DPP10: variants seen among roughly 807,000 people sequenced by gnomAD.
DPP10 encodes the protein dipeptidyl peptidase like 10, also known as inactive dipeptidyl peptidase 10.
Under a neutral mutation model 120.9 loss-of-function variants are expected in DPP10, and 33 were observed. That is an observed-to-expected ratio of 0.27 (90% confidence interval 0.21 to 0.37). The LOEUF is 0.37. DPP10 is among the 10% of genes least tolerant of loss of function. The pLI is 1.00. For synonymous variants in DPP10, 337 were observed against 326.1 expected (o/e 1.03, Z -0.36); for missense variants, 816 against 942.8 (o/e 0.87, Z 1.76).
intron 1 of DPP10, among the ~76,000 whole-genome samples, chr2:115,180,083 G>A (rs1236652287): frequency 6.6e-6 from 1 of 152,108 alleles, no homozygotes; most frequent in African/African-American, 2.4e-5. Context: ...TTAACACAAA[G>A]AAGAAACTTG....
intron 1 of DPP10, chr2:115,064,753 T>G (rs1490536117): frequency 1.5e-6 from 2 of 1,304,094 alleles, no homozygotes; most frequent in East Asian, 1.1e-4. Flanking sequence ...ATAGTCCACT[T>G]AGCAATGGTC....
intron 21 of DPP10, among the ~76,000 whole-genome samples, chr2:115,821,199 T>C (rs1311834418): frequency 6.6e-6 from 1 of 152,210 alleles, no homozygotes. Flanking sequence ...GGAAGGTGCA[T>C]TAAAGTATCC....
At chr2:114,466,133 T>C (rs1679349482) in intron 1 of DPP10, among the ~76,000 whole-genome samples, 1 of 152,174 alleles carries the variant, frequency 6.6e-6, no homozygotes, top group African/African-American at 2.4e-5. Flanking sequence ...AAAAATCCCA[T>C]ATGATTTATT....
At chr2:115,234,231 C>T (rs1574103575) in intron 1 of DPP10, among the ~76,000 whole-genome samples, 1 of 152,088 alleles carries the variant, frequency 6.6e-6, no homozygotes, top group African/African-American at 2.4e-5. Flanking sequence ...CATCACATAC[C>T]TGAAATAATA....
chr2:114,922,212 T>C (rs1695247101), intron 1 of DPP10, among the ~76,000 whole-genome samples: 1 of 152,228 alleles, frequency 6.6e-6, no homozygotes, highest in Non-Finnish European at 1.5e-5. Flanking sequence ...TTTAGAACAC[T>C]TTCATTACCT....
intron 2 of DPP10, among the ~76,000 whole-genome samples, chr2:115,332,058 CT>C (rs1373594248): frequency 6.6e-6 from 1 of 152,084 alleles, no homozygotes; most frequent in East Asian, 1.9e-4. Context: ...TGGTCCTGGA[CT>C]TTTTTTGGTT....
At chr2:115,357,414 A>C (rs993712126) in intron 3 of DPP10, among the ~76,000 whole-genome samples, 1 of 152,224 alleles carries the variant, frequency 6.6e-6, no homozygotes, top group Non-Finnish European at 1.5e-5. Context: ...AAAGTTCCAA[A>C]ATGATCTCCT....
chr2:114,914,285 A>G (rs1005258938), intron 1 of DPP10, among the ~76,000 whole-genome samples: 1 of 152,224 alleles, frequency 6.6e-6, no homozygotes, highest in African/African-American at 2.4e-5. Context: ...AATGCAAAAT[A>G]AAAGATATTA....
chr2:115,133,961 T>C (rs2050516263), intron 1 of DPP10, among the ~76,000 whole-genome samples: 1 of 152,202 alleles, frequency 6.6e-6, no homozygotes, highest in Non-Finnish European at 1.5e-5. Flanking sequence ...GGAATTGCTT[T>C]GTCCCCACGT....
chr2:114,886,696 A>G (rs1286643210), intron 1 of DPP10, among the ~76,000 whole-genome samples: 1 of 152,188 alleles, frequency 6.6e-6, no homozygotes, highest in Non-Finnish European at 1.5e-5. Context: ...TGTTATGGAT[A>G]TATTTGCCTC....
intron 3 of DPP10, among the ~76,000 whole-genome samples, chr2:115,428,997 A>G (rs1288979334): frequency 2.0e-5 from 3 of 152,180 alleles, no homozygotes; most frequent in Non-Finnish European, 4.4e-5. Flanking sequence ...TATTCAGATT[A>G]TATCAGGTAG....
chr2:114,644,655 T>C (rs1695984366), intron 1 of DPP10, among the ~76,000 whole-genome samples: 1 of 151,824 alleles, frequency 6.6e-6, no homozygotes, highest in African/African-American at 2.4e-5. Flanking sequence ...TTTCAGCCTT[T>C]AGAAAAGGCC....
chr2:114,955,294 G>A (rs1334933104), intron 1 of DPP10, among the ~76,000 whole-genome samples: 1 of 152,100 alleles, frequency 6.6e-6, no homozygotes, highest in Non-Finnish European at 1.5e-5. Context: ...CACCATTTTG[G>A]TTTTGGCCGG....
chr2:115,592,710 T>G (rs1261687028), intron 5 of DPP10, among the ~76,000 whole-genome samples: 1 of 152,024 alleles, frequency 6.6e-6, no homozygotes, highest in African/African-American at 2.4e-5. Flanking sequence ...GAGTCGAGAT[T>G]GTGCCACTGC....
At chr2:115,291,184 G>C (rs917195460) in intron 1 of DPP10, among the ~76,000 whole-genome samples, 1 of 151,740 alleles carries the variant, frequency 6.6e-6, no homozygotes, top group Non-Finnish European at 1.5e-5. Flanking sequence ...TTTATTTTTT[G>C]TAGAGACAGA....
rs1435375616 is a variant in DPP10, at chr2:114,526,929, C to A, written c.60+84091C>A. On this transcript the variant is annotated intron_variant, in intron 1 of 25. Transcript: ENST00000410059. ...AGGAGGTCTTAGTTTCAAATAGTTA[C>A]ACCTATGCAATTATCATTCCAAACT... is the stretch of plus-strand genomic sequence containing the variant. Among the ~76,000 whole-genome samples the A allele has an allele frequency of 2.0e-5, 3 of 152,150 alleles. No homozygotes were observed. The East Asian group carries it at 5.8e-4, about 29-fold the overall frequency.
intron 1 of DPP10, among the ~76,000 whole-genome samples, chr2:115,080,016 C>G (rs1240001133): frequency 2.6e-5 from 4 of 152,070 alleles, no homozygotes; most frequent in African/African-American, 9.7e-5. Context: ...TGGCTAACAG[C>G]CTTGTATATC....
chr2:115,041,611 A>G (rs911409495), intron 1 of DPP10, among the ~76,000 whole-genome samples: 1 of 152,144 alleles, frequency 6.6e-6, no homozygotes, highest in African/African-American at 2.4e-5. Flanking sequence ...AGTAACAGCA[A>G]TTTTGTGGTG....
intron 5 of DPP10, among the ~76,000 whole-genome samples, chr2:115,661,912 G>A (rs955436230): frequency 2.0e-5 from 3 of 152,116 alleles, no homozygotes; most frequent in East Asian, 1.9e-4. Flanking sequence ...CACATTTCAA[G>A]TATATAAAAC....
Sources: allele counts gnomAD v4.1 joint callset (sites outside exome capture counted in the v4.1 genomes callset), GRCh38; gene constraint gnomAD v4.1.1; transcripts MANE v1.5; gene names NCBI Gene and HGNC (gene_info 2026-07-23, HGNC 2026-07-21).